LRFN4: variants seen among roughly 807,000 people sequenced by gnomAD.
LRFN4 encodes the protein leucine-rich repeat and fibronectin type-III domain-containing protein 4.
A neutral mutation model predicts 29.0 loss-of-function variants in LRFN4; 10 were observed. That is an observed-to-expected ratio of 0.35 (90% CI 0.21 to 0.59). The LOEUF is 0.59. Ranked by LOEUF, LRFN4 falls within the 20% of genes least tolerant of loss-of-function variation. LRFN4 has a pLI of 0.82. For missense variants in LRFN4, 850 were observed against 907.9 expected, an observed-to-expected ratio of 0.94 and a Z score of 0.82; for synonymous variants, 493 against 437.0, an observed-to-expected ratio of 1.13 and a Z score of -1.60.
chr11:66,858,069 G>A lies in LRFN4; in HGVS notation c.325G>A (p.Val109Met). The A allele has an allele frequency of 6.2e-7, 1 of 1,609,702 alleles. No individual in the cohort carries two copies. The change falls in exon 1 of 2, where the codon GTG (valine) becomes ATG (methionine). Residue 109 changes from valine to methionine, a missense_variant. This residue lies in a region of LRFN4 where 106 missense variants were observed against 154.2 expected (regional missense o/e 0.69). Transcript: ENST00000309602. The surrounding 1 kb of genome is among the most constrained non-coding windows in gnomAD (Gnocchi z 5.9). ...CCTCCACCTTGACGGCAACAGGCTGGTGGAGCTGGGCACCGGGAGCCTCCG... is the reference window on the plus strand; with the variant it reads ...CCTCCACCTTGACGGCAACAGGCTGATGGAGCTGGGCACCGGGAGCCTCCG... ...RSLHLDGNRL[V>M]ELGTGSLRGP...
In LRFN4 at chr11:66,858,191, C is replaced by T. The variant is rs1332490187; in HGVS notation, c.447C>T (p.Asp149=). The change falls in exon 1 of 2, where the codon GAC becomes GAT. Residue 149 remains aspartate, a synonymous_variant. Transcript: ENST00000309602. The surrounding 1 kb of genome is among the most constrained non-coding windows in gnomAD (Gnocchi z 5.9). ...AFDDFLESLE[D]LDLSYNNLRQ... is the part of the protein sequence containing the mutation. The stretch of plus-strand genomic sequence containing the variant: ...ACGACTTCCTAGAGAGCCTGGAGGA[C>T]CTGGACCTGTCCTACAACAACCTCC... 6.2e-7 allele frequency: 1 copy of T among 1,612,284 alleles called. No individual in the cohort carries two copies.
rs1681193263 is a variant in LRFN4 at position 66,858,268 on chromosome 11, A to G, written c.524A>G (p.Asn175Ser). The G allele has an allele frequency of 6.2e-7, 1 of 1,612,270 alleles. No homozygotes were observed. The highest frequency in any genetic ancestry group is 8.5e-7 in the Non-Finnish European group (1 of 1,179,924). ...GCCATGCCTGCCCTGCACACCCTCA[A>G]CCTGGACCATAACCTTATTGACGCA... ...IGAMPALHTLNLDHNLIDALP... is the reference protein window; with the variant it reads ...IGAMPALHTLSLDHNLIDALP... The change falls in exon 1 of 2, where the codon AAC becomes AGC. Residue 175 changes from asparagine to serine, a missense_variant. Asn to Ser is a conservative substitution (Grantham distance 46, BLOSUM62 1). Coordinates refer to ENST00000309602, the MANE Select transcript of LRFN4 (RefSeq NM_024036.5). The surrounding 1 kb of genome is among the most constrained non-coding windows in gnomAD (Gnocchi z 5.9).
rs776142846 is a variant in LRFN4 at position 66,859,007 on chromosome 11, G to A, written c.1263G>A (p.Val421=). 3 of 1,526,044 alleles carry A rather than the reference G, an allele frequency of 2.0e-6. No homozygotes were observed. Among genetic ancestry groups the A allele is most frequent in the African/African-American group, 1.4e-5 (1 of 71,870 alleles). 94.5% of individuals were successfully genotyped at this position (1,526,044 alleles called of 1,614,324 possible). Residue 421 remains valine (V), a synonymous_variant, in exon 1 of 2, where the codon GTG becomes GTA. Coordinates refer to ENST00000309602, the MANE Select transcript of LRFN4 (RefSeq NM_024036.5). ...AGGTGACCGCCACCTCAGGGCTGGT[G>A]AGCTGGGGTCCCGGGCGGCCAGCCG... is the stretch of plus-strand genomic sequence containing the variant. ...VTEVTATSGL[V]SWGPGRPADP...
Position 66,858,719 on chromosome 11 carries a change from C to T in LRFN4, c.975C>T (p.Ser325=). The T allele has an allele frequency of 6.4e-7, 1 of 1,552,516 alleles. No homozygotes were observed. Among genetic ancestry groups the T allele is most frequent in the Non-Finnish European group, 8.7e-7 (1 of 1,147,066 alleles). The change falls in exon 1 of 2, where the codon TCC becomes TCT. Residue 325 remains serine, a synonymous_variant. Transcript: ENST00000309602. The surrounding 1 kb of genome is among the most constrained non-coding windows in gnomAD (Gnocchi z 5.9). ...VGPDDRLVGN[S]SRARAFPNGT... ...CTGACGACCGGTTGGTTGGCAACTC[C>T]TCCCGAGCCCGGGCTTTCCCCAACG...
Position 66,860,229 on chromosome 11 carries a change from G to A in LRFN4, c.*34G>A, listed in dbSNP as rs959150224. On this transcript the variant is annotated 3_prime_UTR_variant, in exon 2 of 2. Coordinates refer to ENST00000309602, the MANE Select transcript of LRFN4 (RefSeq NM_024036.5). Reference sequence around the variant, plus strand: ...CAGCTTCCTGTGTGCTCCAAGGGATGAGCCTCGTGGGGCAGAGGGCCCGGG... The same window carrying A: ...CAGCTTCCTGTGTGCTCCAAGGGATAAGCCTCGTGGGGCAGAGGGCCCGGG... The A allele has an allele frequency of 3.9e-6, 6 of 1,539,568 alleles. No individual in the cohort carries two copies. The highest frequency in any genetic ancestry group is 2.4e-5 in the East Asian group (1 of 40,924).
chr11:66,857,894 A>C lies in LRFN4; in HGVS notation c.150A>C (p.Thr50=). 1 of 1,611,878 alleles carries C rather than the reference A, an allele frequency of 6.2e-7. No individual in the cohort carries two copies. The highest frequency in any genetic ancestry group is 8.5e-7 in the Non-Finnish European group (1 of 1,179,902). The change falls in exon 1 of 2, where the codon ACA becomes ACC. Residue 50 remains threonine (T), a synonymous_variant. Coordinates refer to ENST00000309602, the MANE Select transcript of LRFN4 (RefSeq NM_024036.5). The surrounding 1 kb of genome is among the most constrained non-coding windows in gnomAD (Gnocchi z 7.1). ...TGCCGCCCAACGTGGACCGGCGCAC[A>C]GTGGAGCTGCGGCTGGCTGACAACT... The part of the protein sequence containing the change: ...LFVPPNVDRR[T]VELRLADNFI...
In LRFN4 at chr11:66,859,996, C is replaced by CCCACCCGCCGCGGAG; in HGVS notation, c.1712_1726dup (p.His571_Ser575dup). On this transcript the variant is annotated inframe_insertion, in exon 2 of 2. Transcript: ENST00000309602. ...GGAGGCCCCAGCCCCACACCCAAGG[C>CCCACCCGCCGCGGAG]CCACCCGCCGCGGAGCCCCCCGCCC... 1.3e-6 allele frequency: 2 copies of CCCACCCGCCGCGGAG among 1,595,856 alleles called. No homozygotes were observed. The highest frequency in any genetic ancestry group is 1.7e-6 in the Non-Finnish European group (2 of 1,171,346).
chr11:66,860,272 G>A lies in LRFN4; in HGVS notation c.*77G>A, dbSNP rs1315882186. On this transcript the variant is annotated 3_prime_UTR_variant, in exon 2 of 2. Transcript: ENST00000309602. The stretch of plus-strand genomic sequence containing the variant: ...GGCCCGGGGCCGCCGCCTGGCCTGG[G>A]AGTCCCTCCCTGGTTTTTATTCTCA... The A allele has an allele frequency of 1.7e-5, 26 of 1,525,526 alleles. No homozygotes were observed. The highest frequency in any genetic ancestry group is 2.3e-5 in the Non-Finnish European group (26 of 1,136,976). The allele number at this position is 1,525,526 out of a possible 1,614,324, so 94.5% of individuals were successfully genotyped here.
rs766006871 is a variant in LRFN4, at chr11:66,857,969, G to A, written c.225G>A (p.Val75=). 3 of 1,612,406 alleles carry A rather than the reference G, an allele frequency of 1.9e-6. No homozygotes were observed. The change falls in exon 1 of 2, where the codon GTG becomes GTA. Residue 75 remains valine, a synonymous_variant. Coordinates refer to ENST00000309602, the MANE Select transcript of LRFN4 (RefSeq NM_024036.5). The surrounding 1 kb of genome is among the most constrained non-coding windows in gnomAD (Gnocchi z 7.1). ...ACTTCCGCAACATGACGGGACTGGTGGACCTGACACTGTCTCGCAATGCCA... is the reference window on the plus strand; with the variant it reads ...ACTTCCGCAACATGACGGGACTGGTAGACCTGACACTGTCTCGCAATGCCA... The part of the protein sequence containing the change: ...PPDFRNMTGL[V]DLTLSRNAIT...
In LRFN4 at chr11:66,858,320, C is replaced by T. The variant is rs139229293; in HGVS notation, c.576C>T (p.Leu192=). The change falls in exon 1 of 2, where the codon CTC becomes CTT. Residue 192 remains leucine, a synonymous_variant. Coordinates refer to ENST00000309602, the MANE Select transcript of LRFN4 (RefSeq NM_024036.5). This position sits in a 1 kb window ranked among gnomAD's most constrained non-coding sequence, Gnocchi z 5.9. The stretch of plus-strand genomic sequence containing the variant: ...TGCCCCCAGGCGCCTTCGCCCAGCT[C>T]GGTCAGCTCTCCCGCCTGGACCTCA... ...DALPPGAFAQ[L]GQLSRLDLTS... The T allele has an allele frequency of 3.6e-5, 58 of 1,608,240 alleles. No individual in the cohort carries two copies. The highest frequency in any genetic ancestry group is 4.9e-5 in the Non-Finnish European group (58 of 1,179,088).
In LRFN4 at chr11:66,858,327, C is replaced by T. The variant is rs1946001195; in HGVS notation, c.583C>T (p.Leu195Phe). The change falls in exon 1 of 2, where the codon CTC (leucine) becomes TTC (phenylalanine). Residue 195 changes from leucine to phenylalanine, a missense_variant. Around this residue, in one of 2 missense-constraint regions of LRFN4, gnomAD observed 744 missense variants for 753.8 expected, o/e 0.99. Transcript: ENST00000309602. This position sits in a 1 kb window ranked among gnomAD's most constrained non-coding sequence, Gnocchi z 5.9. ...AGGCGCCTTCGCCCAGCTCGGTCAG[C>T]TCTCCCGCCTGGACCTCACCTCCAA... Reference protein sequence around the residue: ...PPGAFAQLGQLSRLDLTSNRL... With the variant: ...PPGAFAQLGQFSRLDLTSNRL... 2 of 1,605,512 alleles carry T rather than the reference C, an allele frequency of 1.2e-6. No homozygotes were observed. Among genetic ancestry groups the T allele is most frequent in the African/African-American group, 1.3e-5 (1 of 74,866 alleles).
chr11:66,860,274 G>A lies in LRFN4; in HGVS notation c.*79G>A. ...CCCGGGGCCGCCGCCTGGCCTGGGA[G>A]TCCCTCCCTGGTTTTTATTCTCAGT... On this transcript the variant is annotated 3_prime_UTR_variant, in exon 2 of 2. Transcript: ENST00000309602. The A allele has an allele frequency of 1.3e-6, 2 of 1,522,826 alleles. No individual in the cohort carries two copies. Among genetic ancestry groups the A allele is most frequent in the Non-Finnish European group, 1.8e-6 (2 of 1,134,444 alleles). 94.3% of individuals were successfully genotyped at this position (1,522,826 alleles called of 1,614,324 possible).
rs1261409563 is a variant in LRFN4, at chr11:66,857,555, C to T, written c.-190C>T. 3.3e-6 allele frequency: 2 copies of T among 607,480 alleles called. No homozygotes were observed. Among genetic ancestry groups the T allele is most frequent in the Non-Finnish European group, 5.7e-6 (2 of 350,686 alleles). The allele number at this position is 607,480 out of a possible 1,614,324, so 37.6% of individuals were successfully genotyped here. ...AACTGCTTGGGAAATGTGACCTTTG[C>T]TCTGGGGGGCCTGGCCCTGCAGGCC... On this transcript the variant is annotated 5_prime_UTR_variant, in exon 1 of 2. Coordinates refer to ENST00000309602, the MANE Select transcript of LRFN4 (RefSeq NM_024036.5). The surrounding 1 kb of genome is among the most constrained non-coding windows in gnomAD (Gnocchi z 7.1).
chr11:66,858,739 C>G lies in LRFN4; in HGVS notation c.995C>G (p.Pro332Arg). The change falls in exon 1 of 2, where the codon CCC (proline) becomes CGC (arginine). Residue 332 changes from proline to arginine, a missense_variant. Physicochemically the swap from Pro to Arg is moderately radical, Grantham distance 103. Around this residue, in one of 2 missense-constraint regions of LRFN4, gnomAD observed 744 missense variants for 753.8 expected, o/e 0.99. Coordinates refer to ENST00000309602, the MANE Select transcript of LRFN4 (RefSeq NM_024036.5). This position sits in a 1 kb window ranked among gnomAD's most constrained non-coding sequence, Gnocchi z 5.9. ...AACTCCTCCCGAGCCCGGGCTTTCC[C>G]CAACGGGACCTTAGAGATTGGGGTG... ...VGNSSRARAFPNGTLEIGVTG... is the reference protein window; with the variant it reads ...VGNSSRARAFRNGTLEIGVTG... 1 of 1,553,196 alleles carries G rather than the reference C, an allele frequency of 6.4e-7. No homozygotes were observed. Among genetic ancestry groups the G allele is most frequent in the Non-Finnish European group, 8.7e-7 (1 of 1,148,050 alleles).
At chr11:66,859,496 C>T in intron 1 of LRFN4, 141 bp from the exon 2 acceptor site, 2 of 1,478,016 alleles carry the variant, frequency 1.4e-6, no homozygotes, top group Non-Finnish European at 1.8e-6. Flanking sequence ...CACTCTCCAG[C>T]CTGTTCACCT....
In LRFN4 at chr11:66,860,436, T is replaced by C; in HGVS notation, c.*241T>C. The C allele has an allele frequency of 1.4e-6, 1 of 704,984 alleles. No homozygotes were observed. The highest frequency in any genetic ancestry group is 1.5e-5 in the South Asian group (1 of 67,576). The allele number at this position is 704,984 out of a possible 1,614,324, so 43.7% of individuals were successfully genotyped here. ...AGGGGCTGCAGCCACCCACTGGGAG[T>C]CTTGTTTTTATTTATAATAAAATTG... On this transcript the variant is annotated 3_prime_UTR_variant, in exon 2 of 2. Transcript: ENST00000309602.
At position 66,857,877 on chromosome 11, in the gene LRFN4, A is replaced by G; in HGVS notation, c.133A>G (p.Asn45Asp). 1 of 1,610,666 alleles carries G rather than the reference A, an allele frequency of 6.2e-7. No homozygotes were observed. Among genetic ancestry groups the G allele is most frequent in the Non-Finnish European group, 8.5e-7 (1 of 1,179,786 alleles). Residue 45 changes from asparagine (N) to aspartate (D), a missense_variant, in exon 1 of 2, where the codon AAC becomes GAC. Coordinates refer to ENST00000309602, the MANE Select transcript of LRFN4 (RefSeq NM_024036.5). This position sits in a 1 kb window ranked among gnomAD's most constrained non-coding sequence, Gnocchi z 7.1. ...CCGAGGCCTGCTGTTTGTGCCGCCC[A>G]ACGTGGACCGGCGCACAGTGGAGCT... ...AHRGLLFVPP[N>D]VDRRTVELRL...
chr11:66,857,108 G>C lies in LRFN4; in HGVS notation c.-637G>C, dbSNP rs1020495702. On this transcript the variant is annotated 5_prime_UTR_variant, in exon 1 of 2. Transcript: ENST00000309602. This position sits in a 1 kb window ranked among gnomAD's most constrained non-coding sequence, Gnocchi z 7.1. ...CCTGTCGCCGCCGCCACCGCTAACC[G>C]CGCCGGGAAAAGGTGCCGGGAACCG... 6.8e-6 allele frequency: 1 copy of C among 147,764 alleles called. No homozygotes were observed. Among genetic ancestry groups the C allele is most frequent in the Non-Finnish European group, 1.5e-5 (1 of 66,308 alleles). 9.2% of individuals were successfully genotyped at this position (147,764 alleles called of 1,614,324 possible).
rs1477453699 is a variant in LRFN4, at chr11:66,859,995, G to A, written c.1708G>A (p.Ala570Thr). 13 of 1,592,772 alleles carry A rather than the reference G, an allele frequency of 8.2e-6. No homozygotes were observed. Among genetic ancestry groups the A allele is most frequent in the Non-Finnish European group, 1.0e-5 (12 of 1,169,598 alleles). The change falls in exon 2 of 2, where the codon GCC becomes ACC. Residue 570 changes from alanine to threonine, a missense_variant. Ala to Thr is a moderately conservative substitution (Grantham distance 58). Coordinates refer to ENST00000309602, the MANE Select transcript of LRFN4 (RefSeq NM_024036.5). Reference protein sequence around the residue: ...TNGGPSPTPKAHPPRSPPPRP... With the variant: ...TNGGPSPTPKTHPPRSPPPRP... Reference sequence around the variant, plus strand: ...TGGAGGCCCCAGCCCCACACCCAAGGCCCACCCGCCGCGGAGCCCCCCGCC... The same window carrying A: ...TGGAGGCCCCAGCCCCACACCCAAGACCCACCCGCCGCGGAGCCCCCCGCC...
Sources: allele counts gnomAD v4.1 joint callset, GRCh38; gene constraint gnomAD v4.1.1; regional missense constraint gnomAD v4.1.1; non-coding constraint Gnocchi (gnomAD v3.1); transcripts MANE v1.5; gene names NCBI Gene and HGNC (gene_info 2026-07-23, HGNC 2026-07-21).